Variants in KDM5A observed in about 807,000 individuals in gnomAD.
KDM5A encodes lysine demethylase 5A.
Under a neutral mutation model 193.5 loss-of-function variants are expected in KDM5A, and 42 were observed. That is an observed-to-expected ratio of 0.22 (90% CI 0.17 to 0.28). KDM5A has a LOEUF of 0.28. KDM5A is among the 10% of genes least tolerant of loss of function. The probability of loss-of-function intolerance (pLI) is 1.00; values close to 1 mark genes in which losing one functional copy is unlikely to be tolerated. For synonymous variants in KDM5A, 796 were observed against 718.1 expected, an observed-to-expected ratio of 1.11 and a Z score of -1.73; for missense variants, 1,692 against 2,055.1, an observed-to-expected ratio of 0.82 and a Z score of 3.42.
At chr12:336,043 CAAAAAAAAAAA>C (rs753624871) in intron 10 of KDM5A, among the ~76,000 whole-genome samples, 7 of 42,012 alleles carry the variant, frequency 1.7e-4, no homozygotes, top group South Asian at 1.6e-3. Context: ...TACTTCATCT[CAAAAAAAAAAA>C]AAAAAAAAAA....
rs148986450 is a variant in KDM5A at position 384,628 on chromosome 12, A to G, written c.244-475T>C. The stretch of plus-strand genomic sequence containing the variant: ...AAAACTAGCCAATAATAAAGAGGCA[A>G]AAGACTTCTAATAAACTATATTTAT... On this transcript the variant is annotated intron_variant, in intron 2 of 27. Coordinates refer to ENST00000399788, the MANE Select transcript of KDM5A (RefSeq NM_001042603.3). Among the ~76,000 whole-genome samples the G allele has an allele frequency of 1.1e-3, 174 of 152,366 alleles. 1 individual carries two copies. Among genetic ancestry groups the G allele is most frequent in the African/African-American group, 3.5e-3 (147 of 41,590 alleles).
At chr12:287,179 AGT>A (rs1446719569) in intron 27 of KDM5A, among the ~76,000 whole-genome samples, 1 of 152,178 alleles carries the variant, frequency 6.6e-6, no homozygotes, top group Non-Finnish European at 1.5e-5. Context: ...TGCTTTTCAA[AGT>A]GTGTAGACCA....
At position 309,815 on chromosome 12, in the gene KDM5A, A is replaced by G; in HGVS notation, c.3366T>C (p.Asp1122=). The part of the protein sequence containing the change: ...DLEEGLEETR[D]TAMVVAVFKE... ...GGTAATTTCTTACCACCATGGCTGTATCTCTGGTTTCCTCCAATCCTTCCT... is the reference window on the plus strand; with the variant it reads ...GGTAATTTCTTACCACCATGGCTGTGTCTCTGGTTTCCTCCAATCCTTCCT... The change falls in exon 22 of 28, where the codon GAT becomes GAC. Residue 1122 remains aspartate, a synonymous_variant. Coordinates refer to ENST00000399788, the MANE Select transcript of KDM5A (RefSeq NM_001042603.3). 1 of 1,614,174 alleles carries G rather than the reference A, an allele frequency of 6.2e-7. No homozygotes were observed. Among genetic ancestry groups the G allele is most frequent in the Non-Finnish European group, 8.5e-7 (1 of 1,180,014 alleles).
intron 12 of KDM5A, among the ~76,000 whole-genome samples, chr12:332,190 T>C (rs1943874699): frequency 6.6e-6 from 1 of 152,300 alleles, no homozygotes; most frequent in African/African-American, 2.4e-5. Flanking sequence ...AAAACATTAC[T>C]CTCAACGAGC....
At chr12:321,947 G>T (rs1943722897) in intron 17 of KDM5A, among the ~76,000 whole-genome samples, 1 of 152,084 alleles carries the variant, frequency 6.6e-6, no homozygotes, top group South Asian at 2.1e-4. Context: ...GGGGAGAAAA[G>T]ACAGATAATT....
intron 13 of KDM5A, 97 bp from the exon 14 acceptor site, chr12:329,126 A>C (rs956783656): frequency 9.4e-6 from 9 of 955,622 alleles, no homozygotes; most frequent in African/African-American, 3.2e-5. Flanking sequence ...ATTAGAAAGA[A>C]GACAGAATAC....
chr12:337,920 A>C (rs2137430735), intron 10 of KDM5A, among the ~76,000 whole-genome samples: 2 of 152,230 alleles, frequency 1.3e-5, no homozygotes, highest in African/African-American at 4.8e-5. Context: ...TGAGATTACA[A>C]GCATGAGCCA....
intron 24 of KDM5A, among the ~76,000 whole-genome samples, chr12:298,108 G>A (rs1042220544): frequency 2.4e-4 from 37 of 152,222 alleles, no homozygotes; most frequent in Non-Finnish European, 5.0e-4. Flanking sequence ...AGGGGCGGCT[G>A]TGGGCGCAGC....
chr12:285,206 TA>T lies in KDM5A; in HGVS notation c.*249del. The T allele has an allele frequency of 1.8e-6, 1 of 563,126 alleles. No individual in the cohort carries two copies. The highest frequency in any genetic ancestry group is 3.0e-5 in the East Asian group (1 of 33,798). 34.9% of individuals were successfully genotyped at this position (563,126 alleles called of 1,614,324 possible). On this transcript the variant is annotated 3_prime_UTR_variant, in exon 28 of 28. Transcript: ENST00000399788. ...AATTAAGCATCTGGCCTTAATGCAG[TA>T]AACCACACTCAAAGGAGACATGAAA...
At chr12:290,842 AT>A (rs1210385260) in intron 27 of KDM5A, among the ~76,000 whole-genome samples, 5 of 152,230 alleles carry the variant, frequency 3.3e-5, no homozygotes, top group African/African-American at 1.2e-4. Context: ...GAGAAAGAGT[AT>A]AAAAATAAGA....
At position 287,595 on chromosome 12, in the gene KDM5A, G is replaced by A. The variant is rs149455466; in HGVS notation, c.4867-1933C>T. Among the ~76,000 whole-genome samples, 27 of 152,142 alleles carry A rather than the reference G, an allele frequency of 1.8e-4. 1 individual carries two copies. In the East Asian group the frequency reaches 5.0e-3, roughly 28 times the overall value. On this transcript the variant is annotated intron_variant, in intron 27 of 27. Transcript: ENST00000399788. Reference sequence around the variant, plus strand: ...ACACAAAATGCTAGCTGTAGAGTACGTGCACTCAGAGTGAGTGTTTTGGCT... The same window carrying A: ...ACACAAAATGCTAGCTGTAGAGTACATGCACTCAGAGTGAGTGTTTTGGCT...
At chr12:324,228 G>C (rs1038700449) in intron 14 of KDM5A, among the ~76,000 whole-genome samples, 4 of 151,622 alleles carry the variant, frequency 2.6e-5, no homozygotes, top group African/African-American at 9.7e-5. Context: ...ATCATTTGAG[G>C]CCAGGCTGTA....
chr12:295,385 A>AGGAGGGAG (rs1328138472), intron 26 of KDM5A, among the ~76,000 whole-genome samples, 188 bp downstream of exon 26: 2 of 151,674 alleles, frequency 1.3e-5, no homozygotes, highest in Admixed American at 6.6e-5. Flanking sequence ...AGAGGGAGGA[A>AGGAGGGAG]GGAGGGAGGG....
intron 5 of KDM5A, among the ~76,000 whole-genome samples, chr12:357,827 C>CAGAAAAAAAA (rs1944245687): frequency 3.3e-5 from 1 of 29,852 alleles, no homozygotes; most frequent in Non-Finnish European, 5.1e-5. Flanking sequence ...GACTCAGTCT[C>CAGAAAAAAAA]AAAAAAAAAA....
chr12:338,595 C>T (rs550450120), intron 10 of KDM5A, among the ~76,000 whole-genome samples: 14 of 152,204 alleles, frequency 9.2e-5, no homozygotes, highest in African/African-American at 2.9e-4. Flanking sequence ...TATCACTGAA[C>T]CTGGGAATGG....
chr12:349,722 A>C (rs1396250909), intron 10 of KDM5A, among the ~76,000 whole-genome samples: 1 of 145,074 alleles, frequency 6.9e-6, no homozygotes, highest in Non-Finnish European at 1.5e-5. Flanking sequence ...CCTTTTTTTT[A>C]AGAGACAGGT....
chr12:311,632 A>C (rs1943587569), intron 20 of KDM5A, among the ~76,000 whole-genome samples: 1 of 152,256 alleles, frequency 6.6e-6, no homozygotes, highest in South Asian at 2.1e-4. Context: ...AAAACGCATC[A>C]AACATAGAAG....
At chr12:362,900 C>G in intron 5 of KDM5A, 63 bp downstream of exon 5, 2 of 1,518,384 alleles carry the variant, frequency 1.3e-6, no homozygotes, top group South Asian at 2.2e-5. Flanking sequence ...CAAGGCTAGC[C>G]TGGGCAACAT....
At chr12:340,908 C>T (rs989153702) in intron 10 of KDM5A, among the ~76,000 whole-genome samples, 5 of 152,148 alleles carry the variant, frequency 3.3e-5, no homozygotes, top group South Asian at 2.1e-4. Flanking sequence ...AACAAACACA[C>T]GGTTATAAGC....
Sources: gnomAD v4.1 joint callset for allele counts (sites outside exome capture counted in the v4.1 genomes callset) on GRCh38, gnomAD v4.1.1 for gene constraint, MANE v1.5 for transcripts, NCBI Gene and HGNC (gene_info 2026-07-23, HGNC 2026-07-21) for gene names.